The following ACSM2A variants were observed in gnomAD, a reference collection of about 807,000 sequenced individuals.
ACSM2A encodes the protein acyl-coenzyme A synthetase ACSM2A, mitochondrial.
Under a neutral mutation model 76.6 loss-of-function variants are expected in ACSM2A, and 72 were observed. The observed-to-expected ratio is 0.94, with a 90% CI of 0.78 to 1.14. The LOEUF (loss-of-function observed/expected upper bound fraction) is 1.14. ACSM2A is among the 50% of genes most tolerant of loss of function. The pLI, the probability that ACSM2A is intolerant of heterozygous loss-of-function variation, is 0.00. For missense variants in ACSM2A, 684 were observed against 708.5 expected (o/e 0.97, Z 0.39); for synonymous variants, 249 against 255.9 (o/e 0.97, Z 0.26).
At chr16:20,457,797 T>A (rs2141684722) in intron 1 of ACSM2A, among the ~76,000 whole-genome samples, 1 of 152,182 alleles carries the variant, frequency 6.6e-6, no homozygotes, top group South Asian at 2.1e-4. Flanking sequence ...TCCAGTATAG[T>A]ACTGGAAGTC....
chr16:20,465,675 G>T lies in ACSM2A; in HGVS notation c.336G>T (p.Val112=). 1 of 1,613,972 alleles carries T rather than the reference G, an allele frequency of 6.2e-7. No individual in the cohort carries two copies. ...GLQRGDRVAV[V]LPRVPEWWLV... ...AGCGTGGGGATCGTGTGGCAGTGGTGCTGCCCCGAGTGCCTGAGTGGTGGC... is the reference window on the plus strand; with the variant it reads ...AGCGTGGGGATCGTGTGGCAGTGGTTCTGCCCCGAGTGCCTGAGTGGTGGC... The change falls in exon 3 of 14, where the codon GTG becomes GTT. Residue 112 remains valine, a synonymous_variant. Transcript: ENST00000573854.
At chr16:20,478,477 C>G (rs1405851756) in intron 9 of ACSM2A, 99 bp from the exon 10 acceptor site, 12 of 1,413,282 alleles carry the variant, frequency 8.5e-6, no homozygotes, top group Non-Finnish European at 8.7e-6. Context: ...TCCACTAGAG[C>G]AAGAGGGTCT....
intron 13 of ACSM2A, among the ~76,000 whole-genome samples, chr16:20,485,969 T>G (rs1469494805): frequency 1.3e-5 from 2 of 152,186 alleles, no homozygotes; most frequent in African/African-American, 4.8e-5. Context: ...TTTAACAAGA[T>G]CAAATAGTGA....
chr16:20,470,612 G>T (rs1342285206), intron 4 of ACSM2A, among the ~76,000 whole-genome samples: 1 of 152,208 alleles, frequency 6.6e-6, no homozygotes, highest in African/African-American at 2.4e-5. Context: ...CAAGAGATAT[G>T]TAGGTGCTTC....
Position 20,471,159 on chromosome 16 carries a change from C to G in ACSM2A, c.683C>G (p.Pro228Arg). ...TTCACTAGTGGGACCAGTGGTCTTC[C>G]CAAGATGGCAGAACATTCCTACTCG... ...IYFTSGTSGL[P>R]KMAEHSYSSL... Residue 228 changes from proline to arginine, a missense_variant, in exon 5 of 14, where the codon CCC (proline) becomes CGC (arginine). Physicochemically the swap from Pro to Arg is moderately radical, Grantham distance 103. Around this residue, in one of 3 missense-constraint regions of ACSM2A, gnomAD observed 519 missense variants for 549.5 expected, o/e 0.94. Coordinates refer to ENST00000573854, the MANE Select transcript of ACSM2A (RefSeq NM_001308172.2). 6.2e-7 allele frequency: 1 copy of G among 1,612,984 alleles called. No homozygotes were observed. The highest frequency in any genetic ancestry group is 8.5e-7 in the Non-Finnish European group (1 of 1,179,164).
intron 3 of ACSM2A, among the ~76,000 whole-genome samples, chr16:20,468,287 G>T (rs954294753): frequency 1.3e-5 from 2 of 152,196 alleles, no homozygotes; most frequent in African/African-American, 4.8e-5. Context: ...GTGAGCTAAG[G>T]TTAAAAGCTA....
chr16:20,463,113 G>T (rs1247280907), intron 2 of ACSM2A, among the ~76,000 whole-genome samples: 1 of 150,092 alleles, frequency 6.7e-6, no homozygotes, highest in East Asian at 2.0e-4. Flanking sequence ...GATAACATTA[G>T]GCGATATACC....
At chr16:20,475,164 T>C (rs575898849) in intron 6 of ACSM2A, among the ~76,000 whole-genome samples, 198 bp from the exon 7 acceptor site, 84 of 152,086 alleles carry the variant, frequency 5.5e-4, no homozygotes, top group African/African-American at 1.8e-3. Context: ...ATAATATGTA[T>C]TCATTTCCCT....
At chr16:20,467,514 T>C (rs2013080553) in intron 3 of ACSM2A, among the ~76,000 whole-genome samples, 2 of 152,148 alleles carry the variant, frequency 1.3e-5, no homozygotes. Flanking sequence ...GGCTTCAGTT[T>C]CGTTGAGGTA....
chr16:20,477,958 T>C (rs1675010677), intron 9 of ACSM2A, among the ~76,000 whole-genome samples: 1 of 152,206 alleles, frequency 6.6e-6, no homozygotes, highest in Non-Finnish European at 1.5e-5. Context: ...GTTTTATTGC[T>C]TTCTCTTGTT....
At chr16:20,473,827 TA>T (rs112684755) in intron 6 of ACSM2A, 1,227 of 256,694 alleles carry the variant, frequency 4.8e-3, no homozygotes, top group South Asian at 9.6e-3. Context: ...TAAGTCTGAT[TA>T]AAAAAAAAAG....
chr16:20,475,686 A>G lies in ACSM2A; in HGVS notation c.1011A>G (p.Val337=), dbSNP rs1294331491. 1.9e-6 allele frequency: 3 copies of G among 1,613,912 alleles called. No homozygotes were observed. The highest frequency in any genetic ancestry group is 2.5e-6 in the Non-Finnish European group (3 of 1,179,946). The change falls in exon 8 of 14, where the codon GTA becomes GTG. Residue 337 remains valine, a synonymous_variant. Coordinates refer to ENST00000573854, the MANE Select transcript of ACSM2A (RefSeq NM_001308172.2). The part of the protein sequence containing the change: ...KFPHLQNCVT[V]GESLLPETLE... ...CCCATCTACAGAACTGCGTCACTGT[A>G]GGGGAGTCCCTTCTTCCAGAAACTC...
intron 12 of ACSM2A, chr16:20,481,270 C>T (rs1335195094): frequency 3.3e-6 from 1 of 298,862 alleles, no homozygotes; most frequent in African/African-American, 2.1e-5. Flanking sequence ...GATGTCCACA[C>T]TCCCATGGTA....
intron 2 of ACSM2A, among the ~76,000 whole-genome samples, chr16:20,464,332 T>G (rs1157115235): frequency 6.6e-6 from 1 of 152,116 alleles, no homozygotes; most frequent in Non-Finnish European, 1.5e-5. Context: ...ACTGTTCTTG[T>G]GTTGCTGTAA....
At chr16:20,471,785 G>A (rs191761324) in intron 6 of ACSM2A, 96 bp downstream of exon 6, 8 of 1,539,508 alleles carry the variant, frequency 5.2e-6, no homozygotes, top group Non-Finnish European at 7.0e-6. Flanking sequence ...TCTAATTTTT[G>A]CTAAACCCCT....
At chr16:20,485,939 C>G (rs2014362435) in intron 13 of ACSM2A, among the ~76,000 whole-genome samples, 1 of 152,160 alleles carries the variant, frequency 6.6e-6, no homozygotes, top group Non-Finnish European at 1.5e-5. Context: ...GATAGAGGAT[C>G]CTCAACTTCA....
chr16:20,462,998 A>C (rs9302385), intron 2 of ACSM2A, among the ~76,000 whole-genome samples: 61,107 of 148,756 alleles, frequency 0.41, 14,556 homozygotes, highest in East Asian at 0.79. Flanking sequence ...AACCAAACAC[A>C]GCATGTTCTC....
In ACSM2A at chr16:20,486,115, T is replaced by A. The variant is rs916533044; in HGVS notation, c.1630-459T>A. 2.0e-5 allele frequency among the ~76,000 whole-genome samples: 3 copies of A among 152,242 alleles called. 1 individual carries two copies. Among genetic ancestry groups the A allele is most frequent in the Non-Finnish European group, 4.4e-5 (3 of 68,042 alleles). On this transcript the variant is annotated intron_variant, in intron 13 of 13. Transcript: ENST00000573854. ...CCAGATTAATAACCACAGCTAATAT[T>A]TTTCAGTGGTTACTCCATGCCAGTA...
At chr16:20,474,986 A>G (rs537407087) in intron 6 of ACSM2A, among the ~76,000 whole-genome samples, 1 of 152,200 alleles carries the variant, frequency 6.6e-6, no homozygotes, top group Non-Finnish European at 1.5e-5. Context: ...AAAGTTAAGG[A>G]ACTTAACCAA....
Sources: gnomAD v4.1 joint callset for allele counts (sites outside exome capture counted in the v4.1 genomes callset) on GRCh38, gnomAD v4.1.1 for gene constraint, gnomAD v4.1.1 regional missense constraint, MANE v1.5 for transcripts, NCBI Gene and HGNC (gene_info 2026-07-23, HGNC 2026-07-21) for gene names.